EFHC2: variants seen among roughly 807,000 people sequenced by gnomAD.
The protein encoded by EFHC2 is EF-hand domain-containing family member C2.
Under a neutral mutation model 52.7 loss-of-function variants are expected in EFHC2, and 18 were observed. That is an observed-to-expected ratio of 0.34 (90% CI 0.24 to 0.51). The LOEUF (loss-of-function observed/expected upper bound fraction) is 0.51. Ranked by LOEUF, EFHC2 falls within the 20% of genes least tolerant of loss-of-function variation. EFHC2 has a pLI of 0.97. For missense variants in EFHC2, 513 were observed against 562.5 expected, an observed-to-expected ratio of 0.91 and a Z score of 0.89; for synonymous variants, 203 against 204.1, an observed-to-expected ratio of 0.99 and a Z score of 0.04.
At chrX:44,298,181 A>G (rs2037841296) in intron 2 of EFHC2, among the ~76,000 whole-genome samples, 2 of 111,551 alleles carry the variant, frequency 1.8e-5, no homozygotes, top group African/African-American at 6.5e-5. Context: ...GAAAAAACTG[A>G]AGCAGAATGT....
chrX:44,175,714 G>A (rs926283721), intron 13 of EFHC2, among the ~76,000 whole-genome samples: 27 of 111,667 alleles, frequency 2.4e-4, no homozygotes, highest in African/African-American at 8.1e-4. Flanking sequence ...GTCAGAGGAG[G>A]AGCTAGAGTG....
At chrX:44,249,108 A>T (rs1224951984) in intron 5 of EFHC2, among the ~76,000 whole-genome samples, 192 bp from the exon 6 acceptor site, 1 of 111,913 alleles carries the variant, frequency 8.9e-6, no homozygotes. Flanking sequence ...CTATTTTTCA[A>T]AGTCATTCTA....
chrX:44,168,474 G>A (rs2036716148), intron 13 of EFHC2, among the ~76,000 whole-genome samples: 1 of 109,780 alleles, frequency 9.1e-6, no homozygotes, highest in Non-Finnish European at 1.9e-5. Context: ...GGAGCTTGCA[G>A]TGAGCCGAGA....
intron 11 of EFHC2, among the ~76,000 whole-genome samples, chrX:44,223,888 A>AAC (rs1254829987): frequency 3.2e-4 from 36 of 111,961 alleles, no homozygotes; most frequent in African/African-American, 1.2e-3. Context: ...TACAATAAAA[A>AAC]ACACCAATAG....
At position 44,322,208 on chromosome X, in the gene EFHC2, T is replaced by G. The variant is rs754812251; in HGVS notation, c.43-9452A>C. Among the ~76,000 whole-genome samples the G allele has an allele frequency of 2.7e-5, 3 of 112,067 alleles. No individual in the cohort carries two copies. The East Asian group carries it at 8.4e-4, about 31-fold the overall frequency. ...AGGTTCATTCTTGATTCATTCATTC[T>G]ATACCCATAATTCCTGTACAGCCAT... On this transcript the variant is annotated intron_variant, in intron 1 of 14. Coordinates refer to ENST00000420999, the MANE Select transcript of EFHC2 (RefSeq NM_025184.4).
At chrX:44,232,252 C>T (rs772328099) in intron 10 of EFHC2, among the ~76,000 whole-genome samples, 1 of 112,390 alleles carries the variant, frequency 8.9e-6, no homozygotes, top group Admixed American at 9.4e-5. Context: ...TGCCTGGAAT[C>T]CGTGATGCTG....
intron 2 of EFHC2, among the ~76,000 whole-genome samples, chrX:44,286,986 A>G (rs1204669180): frequency 4.3e-5 from 4 of 93,798 alleles, no homozygotes; most frequent in African/African-American, 1.6e-4. Context: ...TAATCACACC[A>G]CTGCACTCCA....
At chrX:44,281,195 C>T (rs947267303) in intron 2 of EFHC2, among the ~76,000 whole-genome samples, 3 of 112,577 alleles carry the variant, frequency 2.7e-5, no homozygotes, top group Non-Finnish European at 5.6e-5. Context: ...GCTGGGATTA[C>T]AGGCGTGAGC....
chrX:44,229,511 A>G, intron 11 of EFHC2, 138 bp downstream of exon 11: 1 of 903,215 alleles, frequency 1.1e-6, no homozygotes, highest in Non-Finnish European at 1.5e-6. Flanking sequence ...CCAAAACTTT[A>G]CCACAAAATA....
intron 13 of EFHC2, among the ~76,000 whole-genome samples, chrX:44,172,664 T>G (rs1448083753): frequency 2.7e-5 from 3 of 112,351 alleles, no homozygotes; most frequent in Non-Finnish European, 5.6e-5. Context: ...CATTAGAGGC[T>G]CATCTTGGCC....
intron 1 of EFHC2, among the ~76,000 whole-genome samples, chrX:44,313,806 T>A (rs1290721949): frequency 2.7e-5 from 3 of 110,100 alleles, no homozygotes; most frequent in African/African-American, 9.9e-5. Flanking sequence ...ATATAAAAAA[T>A]TAGCCGGGCA....
At chrX:44,252,083 G>A (rs2037455787) in intron 4 of EFHC2, among the ~76,000 whole-genome samples, 1 of 111,680 alleles carries the variant, frequency 9.0e-6, no homozygotes, top group Non-Finnish European at 1.9e-5. Flanking sequence ...AGGTATCAAG[G>A]ATAAGAATGC....
In EFHC2 at chrX:44,195,901, G is replaced by T. The variant is rs180934380; in HGVS notation, c.1752-17337C>A. ...GTTGCTTTATGTTTTTTGTGTTTTGGGTTTTGTTTTTTGTTTGTTTGCTTG... is the reference window on the plus strand; with the variant it reads ...GTTGCTTTATGTTTTTTGTGTTTTGTGTTTTGTTTTTTGTTTGTTTGCTTG... On this transcript the variant is annotated intron_variant, in intron 11 of 14. Transcript: ENST00000420999. Among the ~76,000 whole-genome samples, 228 of 110,865 alleles carry T rather than the reference G, an allele frequency of 2.1e-3. 2 individuals are homozygous for T. The highest frequency in any genetic ancestry group is 7.2e-3 in the African/African-American group (220 of 30,532).
At position 44,316,936 on chromosome X, in the gene EFHC2, AAC is replaced by A. The variant is rs749834902; in HGVS notation, c.43-4182_43-4181del. 1.2e-3 allele frequency among the ~76,000 whole-genome samples: 136 copies of A among 112,272 alleles called. 1 individual carries two copies. The highest frequency in any genetic ancestry group is 4.1e-3 in the African/African-American group (128 of 30,940). On this transcript the variant is annotated intron_variant, in intron 1 of 14. Transcript: ENST00000420999. ...TGTTAGTACTTGAGACCGTCATTAC[AAC>A]AGTTACTACTGTTAGTACTTGAGAC...
chrX:44,243,244 C>A (rs1033865954), intron 7 of EFHC2, among the ~76,000 whole-genome samples: 1 of 111,717 alleles, frequency 9.0e-6, no homozygotes, highest in African/African-American at 3.2e-5. Flanking sequence ...AAAAAAGATG[C>A]CACATCTTTC....
chrX:44,219,705 C>T (rs1486067541), intron 11 of EFHC2, among the ~76,000 whole-genome samples: 2 of 111,979 alleles, frequency 1.8e-5, no homozygotes, highest in East Asian at 2.8e-4. Context: ...CAAAACTTAA[C>T]TTTAAACCTC....
At chrX:44,283,067 A>G (rs1233045887) in intron 2 of EFHC2, among the ~76,000 whole-genome samples, 2 of 111,951 alleles carry the variant, frequency 1.8e-5, no homozygotes, top group Non-Finnish European at 3.8e-5. Flanking sequence ...CTAGGCCAGA[A>G]GCCCACCCAG....
At chrX:44,314,600 T>G (rs939766612) in intron 1 of EFHC2, among the ~76,000 whole-genome samples, 8 of 110,971 alleles carry the variant, frequency 7.2e-5, no homozygotes, top group African/African-American at 2.3e-4. Flanking sequence ...CTCCACTCTC[T>G]CTCTCTGTCT....
At chrX:44,171,670 T>C (rs1335749054) in intron 13 of EFHC2, among the ~76,000 whole-genome samples, 2 of 111,643 alleles carry the variant, frequency 1.8e-5, no homozygotes. Flanking sequence ...AGATCTCTGG[T>C]GAGGTGGGTC....
Sources: gnomAD v4.1 joint callset for allele counts (sites outside exome capture counted in the v4.1 genomes callset) on GRCh38, gnomAD v4.1.1 for gene constraint, MANE v1.5 for transcripts, NCBI Gene and HGNC (gene_info 2026-07-23, HGNC 2026-07-21) for gene names.